ABI2: variants seen among roughly 807,000 people sequenced by gnomAD.
The protein encoded by ABI2 is abelson interactor 2.
A neutral mutation model predicts 59.2 loss-of-function variants in ABI2; 25 were observed. The observed-to-expected ratio is 0.42, with a 90% CI of 0.31 to 0.59. ABI2 has a LOEUF of 0.59. ABI2 is among the 20% of genes least tolerant of loss of function. The pLI, the probability that ABI2 is intolerant of heterozygous loss-of-function variation, is 0.14. For missense variants in ABI2, 545 were observed against 681.8 expected, an observed-to-expected ratio of 0.80 and a Z score of 2.23; for synonymous variants, 213 against 235.5, an observed-to-expected ratio of 0.90 and a Z score of 0.87.
intron 1 of ABI2, among the ~76,000 whole-genome samples, chr2:203,352,907 A>G (rs1347603014): frequency 1.3e-5 from 2 of 152,212 alleles, no homozygotes; most frequent in African/African-American, 2.4e-5. Context: ...ATGTTTAGGT[A>G]TTCAAATGCT....
At chr2:203,416,718 G>C (rs2097908546) in intron 10 of ABI2, among the ~76,000 whole-genome samples, 190 bp from the exon 11 acceptor site, 1 of 152,178 alleles carries the variant, frequency 6.6e-6, no homozygotes, top group Non-Finnish European at 1.5e-5. Flanking sequence ...GCAAGAGAGG[G>C]AGAACGTCAT....
At chr2:203,345,186 C>T (rs1281233730) in intron 1 of ABI2, among the ~76,000 whole-genome samples, 3 of 152,182 alleles carry the variant, frequency 2.0e-5, no homozygotes, top group Non-Finnish European at 4.4e-5. Flanking sequence ...TGCAGCTTCA[C>T]TCCTGAAGCC....
chr2:203,375,922 C>A, intron 2 of ABI2: 1 of 528,508 alleles, frequency 1.9e-6, no homozygotes, highest in Non-Finnish European at 3.2e-6. Context: ...ATGTTTTCTT[C>A]TGCCCACAGG....
chr2:203,416,642 C>T (rs1182699272), intron 10 of ABI2, among the ~76,000 whole-genome samples: 3 of 152,062 alleles, frequency 2.0e-5, no homozygotes, highest in South Asian at 2.1e-4. Context: ...TAAACAGGTT[C>T]CAGAGGCTCA....
chr2:203,385,410 C>A (rs984473750), intron 4 of ABI2, among the ~76,000 whole-genome samples: 8 of 150,738 alleles, frequency 5.3e-5, no homozygotes, highest in African/African-American at 2.0e-4. Flanking sequence ...GGATTACAGG[C>A]GTGAGCCACC....
intron 4 of ABI2, among the ~76,000 whole-genome samples, chr2:203,384,534 TC>T (rs1254331666): frequency 6.6e-6 from 1 of 152,036 alleles, no homozygotes; most frequent in African/African-American, 2.4e-5. Flanking sequence ...GGTCTCGAAC[TC>T]CTGTGCTCAA....
chr2:203,381,828 T>C (rs554698136), intron 3 of ABI2, among the ~76,000 whole-genome samples: 2 of 152,348 alleles, frequency 1.3e-5, no homozygotes, highest in South Asian at 4.1e-4. Context: ...TTTTAAAATA[T>C]ATAATTCATA....
intron 8 of ABI2, among the ~76,000 whole-genome samples, chr2:203,398,159 G>A (rs1396200292): frequency 6.6e-6 from 1 of 152,202 alleles, no homozygotes; most frequent in Admixed American, 6.5e-5. Context: ...TGGATTTTGG[G>A]TGATGTCTTG....
intron 1 of ABI2, among the ~76,000 whole-genome samples, chr2:203,356,172 T>C (rs1287170503): frequency 1.3e-5 from 2 of 152,068 alleles, no homozygotes; most frequent in Non-Finnish European, 2.9e-5. Flanking sequence ...AGACATACTT[T>C]TCAGGTCTGA....
intron 9 of ABI2, among the ~76,000 whole-genome samples, chr2:203,406,847 G>C (rs1329970225): frequency 6.6e-6 from 1 of 151,856 alleles, no homozygotes; most frequent in African/African-American, 2.4e-5. Context: ...TTCTTTAATA[G>C]AGACAAGCTT....
At chr2:203,394,669 T>A in intron 5 of ABI2, 31 bp from the exon 6 acceptor site, 1 of 1,588,544 alleles carries the variant, frequency 6.3e-7, no homozygotes, top group Non-Finnish European at 8.6e-7. Context: ...ACTTGCTTAA[T>A]CATACAATAC....
chr2:203,363,664 A>G (rs980416040), intron 1 of ABI2, among the ~76,000 whole-genome samples: 2 of 152,236 alleles, frequency 1.3e-5, no homozygotes, highest in African/African-American at 4.8e-5. Flanking sequence ...TTCACTTAAT[A>G]TAATGACCTC....
rs1415425933 is a variant in ABI2 at position 203,356,644 on chromosome 2, G to A, written c.118-10233G>A. On this transcript the variant is annotated intron_variant, in intron 1 of 11. Coordinates refer to ENST00000261018, the MANE Select transcript of ABI2 (RefSeq NM_001375670.1). The stretch of plus-strand genomic sequence containing the variant: ...CTTGGCCTCCGAAAGTGCTATGATT[G>A]CAGGCGTTAGCCACCATTCCAGTCC... Among the ~76,000 whole-genome samples the A allele has an allele frequency of 3.9e-5, 6 of 152,024 alleles. No individual in the cohort carries two copies. The East Asian group carries it at 1.2e-3, about 29-fold the overall frequency.
At chr2:203,367,175 T>C in intron 2 of ABI2, 131 bp downstream of exon 2, 1 of 1,248,210 alleles carries the variant, frequency 8.0e-7, no homozygotes, top group East Asian at 2.8e-5. Flanking sequence ...CAACTTAATA[T>C]TAGGTTGTTT....
At chr2:203,342,167 T>C (rs1476031822) in intron 1 of ABI2, 1 of 452,426 alleles carries the variant, frequency 2.2e-6, no homozygotes. Flanking sequence ...TTATTATATG[T>C]TTTTTTCCTT....
chr2:203,395,599 C>A, intron 6 of ABI2, 57 bp from the exon 7 acceptor site: 1 of 1,535,696 alleles, frequency 6.5e-7, no homozygotes, highest in Non-Finnish European at 8.8e-7. Flanking sequence ...TCGGGAAGTG[C>A]TGATGATCTC....
chr2:203,392,121 C>T (rs2096765164), intron 5 of ABI2, among the ~76,000 whole-genome samples: 1 of 152,090 alleles, frequency 6.6e-6, no homozygotes, highest in Non-Finnish European at 1.5e-5. Flanking sequence ...TATTTGTCCT[C>T]TATAAATTTT....
chr2:203,376,698 T>A (rs1482422311), intron 2 of ABI2, among the ~76,000 whole-genome samples: 1 of 151,898 alleles, frequency 6.6e-6, no homozygotes, highest in Admixed American at 6.6e-5. Context: ...ATTTTAGGCT[T>A]ATTGTTATCT....
intron 1 of ABI2, among the ~76,000 whole-genome samples, chr2:203,334,483 G>T (rs2075526678): frequency 1.3e-5 from 2 of 151,968 alleles, no homozygotes; most frequent in Admixed American, 6.6e-5. Flanking sequence ...TCTTTTGGTG[G>T]ATGAAATATA....
Sources: allele counts gnomAD v4.1 joint callset (sites outside exome capture counted in the v4.1 genomes callset), GRCh38; gene constraint gnomAD v4.1.1; transcripts MANE v1.5; gene names NCBI Gene and HGNC (gene_info 2026-07-23, HGNC 2026-07-21).